DLC1: variants seen among roughly 807,000 people sequenced by gnomAD.
DLC1 encodes the protein DLC1 Rho GTPase activating protein, also known as rho GTPase-activating protein 7.
In DLC1, 54 loss-of-function variants were observed where a neutral mutation model predicts 140.3. The ratio of observed to expected loss-of-function variants is 0.38; its 90% CI spans 0.31 to 0.48. The LOEUF (loss-of-function observed/expected upper bound fraction) is 0.48, where lower values mean the gene tolerates loss of function less well. Among genes scored for constraint, DLC1 ranks in the 20% least tolerant of loss-of-function variants. The pLI is 0.96. For missense variants in DLC1, 2,536 were observed against 1,907.0 expected (o/e 1.33, Z -6.14); for synonymous variants, 986 against 728.1 (o/e 1.35, Z -5.70).
chr8:13,447,299 G>C (rs963909137), intron 2 of DLC1, among the ~76,000 whole-genome samples: 10 of 152,282 alleles, frequency 6.6e-5, no homozygotes, highest in African/African-American at 2.4e-4. Flanking sequence ...TGTGTTCACT[G>C]TTAATATTAC....
chr8:13,578,177 C>T (rs58982897), intron 1 of DLC1, among the ~76,000 whole-genome samples: 6,228 of 152,132 alleles, frequency 0.041, 410 homozygotes, highest in African/African-American at 0.14. Flanking sequence ...GCTGCTGCTC[C>T]GTACCAAGGA....
chr8:13,140,739 T>C (rs1053750657), intron 5 of DLC1, among the ~76,000 whole-genome samples: 2 of 152,194 alleles, frequency 1.3e-5, no homozygotes, highest in Non-Finnish European at 2.9e-5. Flanking sequence ...TTTTCAATTA[T>C]TAACTAGGAG....
chr8:13,395,034 C>CTGTCT, intron 3 of DLC1, among the ~76,000 whole-genome samples: 1 of 117,526 alleles, frequency 8.5e-6, no homozygotes, highest in Non-Finnish European at 2.0e-5. Flanking sequence ...ATCTATCTAT[C>CTGTCT]ATCTATCTAT....
intron 2 of DLC1, among the ~76,000 whole-genome samples, chr8:13,450,452 C>CAA (rs759911909): frequency 0.082 from 4,284 of 52,282 alleles, 449 homozygotes; most frequent in African/African-American, 0.2. Flanking sequence ...GAGACTGTCT[C>CAA]AAAAAAAAAA....
chr8:13,184,998 T>C (rs1826270349), intron 5 of DLC1, among the ~76,000 whole-genome samples: 4 of 152,188 alleles, frequency 2.6e-5, no homozygotes, highest in Admixed American at 2.6e-4. Context: ...TGGGTGCATA[T>C]ATATTTAGGA....
intron 5 of DLC1, among the ~76,000 whole-genome samples, chr8:13,220,912 C>A (rs1042236163): frequency 6.6e-6 from 1 of 152,170 alleles, no homozygotes; most frequent in Non-Finnish European, 1.5e-5. Context: ...GACAGCCTCA[C>A]AGCCAGTCAA....
At chr8:13,592,095 C>T (rs926619727) in intron 1 of DLC1, among the ~76,000 whole-genome samples, 4 of 151,866 alleles carry the variant, frequency 2.6e-5, no homozygotes, top group Non-Finnish European at 5.9e-5. Flanking sequence ...AACATAGGGC[C>T]CCAGGACAGT....
At chr8:13,246,189 C>T (rs1231762031) in intron 5 of DLC1, among the ~76,000 whole-genome samples, 1 of 151,808 alleles carries the variant, frequency 6.6e-6, no homozygotes, top group African/African-American at 2.4e-5. Context: ...GCAATAATGG[C>T]GAGTTAAAGG....
intron 1 of DLC1, among the ~76,000 whole-genome samples, chr8:13,586,662 G>C (rs1473944175): frequency 1.3e-5 from 2 of 148,204 alleles, no homozygotes; most frequent in African/African-American, 2.5e-5. Context: ...AAATAATACA[G>C]AGAGACCCAA....
At chr8:13,262,142 C>T (rs1361559455) in intron 5 of DLC1, among the ~76,000 whole-genome samples, 4 of 151,728 alleles carry the variant, frequency 2.6e-5, no homozygotes, top group African/African-American at 9.7e-5. Context: ...ATGGTGTGTG[C>T]TAAAAATAAA....
At chr8:13,497,730 A>G (rs1051107852) in intron 2 of DLC1, among the ~76,000 whole-genome samples, 4 of 152,170 alleles carry the variant, frequency 2.6e-5, no homozygotes, top group Non-Finnish European at 5.9e-5. Flanking sequence ...CCTCAAACAG[A>G]TTTGATAGGA....
At chr8:13,276,415 C>A (rs765973081) in intron 5 of DLC1, 2 of 1,462,524 alleles carry the variant, frequency 1.4e-6, no homozygotes, top group African/African-American at 2.9e-5. Context: ...TCGCAGACGC[C>A]TTCAGCGCAG....
intron 4 of DLC1, among the ~76,000 whole-genome samples, chr8:13,339,024 A>G (rs1336181660): frequency 6.6e-6 from 1 of 152,208 alleles, no homozygotes; most frequent in Non-Finnish European, 1.5e-5. Context: ...AACAATGCGT[A>G]TATCTGGTAA....
chr8:13,382,229 C>T (rs906503829), intron 4 of DLC1, among the ~76,000 whole-genome samples: 8 of 151,980 alleles, frequency 5.3e-5, no homozygotes, highest in South Asian at 2.1e-4. Flanking sequence ...AAGAGGAGGC[C>T]GGGCGCGGTG....
intron 5 of DLC1, among the ~76,000 whole-genome samples, chr8:13,181,359 T>A (rs931425332): frequency 6.6e-6 from 1 of 151,472 alleles, no homozygotes; most frequent in African/African-American, 2.4e-5. Context: ...AGTAATACTT[T>A]AAGTTCTAGG....
chr8:13,298,830 C>T (rs571108892), intron 5 of DLC1, among the ~76,000 whole-genome samples: 1 of 152,226 alleles, frequency 6.6e-6, no homozygotes, highest in Non-Finnish European at 1.5e-5. Flanking sequence ...TATACCCATG[C>T]AACAAATCTG....
chr8:13,354,247 C>T (rs1190681340), intron 4 of DLC1, among the ~76,000 whole-genome samples: 2 of 152,118 alleles, frequency 1.3e-5, no homozygotes, highest in African/African-American at 4.8e-5. Flanking sequence ...TCATGGCCTT[C>T]TAACTAGCCA....
At chr8:13,392,209 C>A (rs1836793592) in intron 4 of DLC1, among the ~76,000 whole-genome samples, 1 of 152,134 alleles carries the variant, frequency 6.6e-6, no homozygotes, top group Non-Finnish European at 1.5e-5. Context: ...GCTTGTACAG[C>A]ATTTCATTGC....
At chr8:13,483,810 G>T (rs1800846772) in intron 2 of DLC1, among the ~76,000 whole-genome samples, 2 of 152,078 alleles carry the variant, frequency 1.3e-5, no homozygotes, top group Non-Finnish European at 2.9e-5. Flanking sequence ...GGCGGGGTGT[G>T]GTGGCTCACA....
Sources: allele counts gnomAD v4.1 joint callset (sites outside exome capture counted in the v4.1 genomes callset), GRCh38; gene constraint gnomAD v4.1.1; transcripts MANE v1.5; gene names NCBI Gene and HGNC (gene_info 2026-07-23, HGNC 2026-07-21).